Variants in ZNF782 observed in about 807,000 individuals in gnomAD.
ZNF782 encodes the protein zinc finger protein 782.
Under a neutral mutation model 13.0 loss-of-function variants are expected in ZNF782, and 12 were observed. That is an observed-to-expected ratio of 0.92 (90% CI 0.59 to 1.50). The LOEUF is 1.50. ZNF782 is among the 40% of genes most tolerant of loss of function. The pLI, the probability that ZNF782 is intolerant of heterozygous loss-of-function variation, is 0.00. For synonymous variants in ZNF782, 284 were observed against 283.0 expected (o/e 1.00, Z -0.04); for missense variants, 770 against 822.9 (o/e 0.94, Z 0.79).
At chr9:96,927,262 T>C in the ZNF782 span, among the ~76,000 whole-genome samples, 1 of 152,200 alleles carries the variant, frequency 6.6e-6, no homozygotes, top group Non-Finnish European at 1.5e-5. Flanking sequence ...ACATTGGTGG[T>C]TAGCATCCTT....
At chr9:96,925,520 C>T in the ZNF782 span, among the ~76,000 whole-genome samples, 2 of 151,552 alleles carry the variant, frequency 1.3e-5, no homozygotes, top group Non-Finnish European at 2.9e-5. Context: ...CACTTGTAGT[C>T]CCAGTTACTT....
chr9:96,846,771 T>C (rs1212487262), intron 3 of ZNF782, among the ~76,000 whole-genome samples: 2 of 152,094 alleles, frequency 1.3e-5, no homozygotes, highest in African/African-American at 4.8e-5. Flanking sequence ...CCACTGACAG[T>C]ACTAGACAGA....
intron 2 of ZNF782, among the ~76,000 whole-genome samples, chr9:96,860,822 G>A (rs530709857): frequency 9.2e-5 from 14 of 152,212 alleles, no homozygotes; most frequent in Non-Finnish European, 1.9e-4. Flanking sequence ...CAAAGGTGCC[G>A]AGAACATACA....
At chr9:96,885,773 C>T in the ZNF782 span, among the ~76,000 whole-genome samples, 1 of 152,104 alleles carries the variant, frequency 6.6e-6, no homozygotes, top group Admixed American at 6.5e-5. Context: ...CTTGCAGAGC[C>T]TCAATTTAAA....
At chr9:96,929,204 T>G in the ZNF782 span, among the ~76,000 whole-genome samples, 14 of 152,070 alleles carry the variant, frequency 9.2e-5, no homozygotes, top group Admixed American at 6.5e-5. Flanking sequence ...ACCCTGAGTC[T>G]GTGGTTAGGG....
chr9:96,854,667 G>A (rs895712166), upstream of ZNF782, among the ~76,000 whole-genome samples: 2 of 152,234 alleles, frequency 1.3e-5, no homozygotes, highest in African/African-American at 4.8e-5. Flanking sequence ...CGGGGATGGA[G>A]TTTTTATGAA....
In ZNF782 at chr9:96,818,427, C is replaced by A. The variant is rs1451507038; in HGVS notation, c.1596G>T (p.Lys532Asn). 3 of 1,613,250 alleles carry A rather than the reference C, an allele frequency of 1.9e-6. No individual in the cohort carries two copies. The highest frequency in any genetic ancestry group is 2.2e-5 in the South Asian group (2 of 91,030). Residue 532 changes from lysine to asparagine, a missense_variant, in exon 6 of 6, where the codon AAG becomes AAT. Transcript: ENST00000481138. Reference protein sequence around the residue: ...RKHHRTHTGEKPYKCNQCGKA... With the variant: ...RKHHRTHTGENPYKCNQCGKA... The stretch of plus-strand genomic sequence containing the variant: ...TTCCACACTGATTACATTTGTAGGG[C>A]TTCTCCCCTGTGTGTGTTCTATGAT...
At chr9:96,905,323 A>C in the ZNF782 span, among the ~76,000 whole-genome samples, 10 of 149,690 alleles carry the variant, frequency 6.7e-5, no homozygotes, top group Admixed American at 6.6e-5. Context: ...ATTATAACGC[A>C]TTAGCATGCT....
At chr9:96,829,087 CAAA>C (rs145314809) in intron 4 of ZNF782, among the ~76,000 whole-genome samples, 6 of 60,244 alleles carry the variant, frequency 1.0e-4, no homozygotes, top group Admixed American at 3.8e-4. Context: ...TGTTTCAGAC[CAAA>C]AAAAAAAAAA....
At chr9:96,852,112 A>T (rs1408102706) in intron 2 of ZNF782, 107 bp from the exon 3 acceptor site, 1 of 691,668 alleles carries the variant, frequency 1.4e-6, no homozygotes, top group Non-Finnish European at 2.5e-6. Context: ...TTCCTAAGGT[A>T]ACAGGGCCCT....
chr9:96,832,553 C>T (rs1185573981), intron 4 of ZNF782, among the ~76,000 whole-genome samples: 1 of 152,170 alleles, frequency 6.6e-6, no homozygotes, highest in African/African-American at 2.4e-5. Context: ...AGTTTCCCTT[C>T]ATCTGAGAAT....
chr9:96,834,827 T>C (rs1850934089), intron 4 of ZNF782, among the ~76,000 whole-genome samples: 1 of 152,166 alleles, frequency 6.6e-6, no homozygotes, highest in African/African-American at 2.4e-5. Context: ...GCTTTGGAAC[T>C]GGGTAATGGG....
chr9:96,904,023 T>G, the ZNF782 span, among the ~76,000 whole-genome samples: 1 of 151,458 alleles, frequency 6.6e-6, no homozygotes. Flanking sequence ...TTACTCCACA[T>G]TCTCCACATC....
chr9:96,833,972 CTATGGTTTGGG>C (rs1450317567), intron 4 of ZNF782, among the ~76,000 whole-genome samples: 5 of 152,134 alleles, frequency 3.3e-5, no homozygotes, highest in Non-Finnish European at 7.4e-5. Flanking sequence ...GTATCCCCTG[CTATGGTTTGGG>C]TATGGTTTGT....
chr9:96,861,909 GTA>G (rs1851706226), intron 1 of ZNF782, among the ~76,000 whole-genome samples: 1 of 152,142 alleles, frequency 6.6e-6, no homozygotes, highest in South Asian at 2.1e-4. Context: ...CCACTGCTGG[GTA>G]TATACCTAAG....
At chr9:96,903,291 T>A in the ZNF782 span, among the ~76,000 whole-genome samples, 1 of 151,938 alleles carries the variant, frequency 6.6e-6, no homozygotes, top group Admixed American at 6.6e-5. Flanking sequence ...TTGTCATAAA[T>A]GAAATAATAC....
upstream of ZNF782, among the ~76,000 whole-genome samples, chr9:96,857,898 C>G (rs986037949): frequency 3.9e-5 from 6 of 152,184 alleles, no homozygotes; most frequent in African/African-American, 1.4e-4. Context: ...GTAAATTGCT[C>G]TTGTAATAAT....
intron 3 of ZNF782, among the ~76,000 whole-genome samples, chr9:96,859,518 T>A (rs1851680743): frequency 6.6e-6 from 1 of 152,166 alleles, no homozygotes; most frequent in South Asian, 2.1e-4. Flanking sequence ...AACTCTGGGC[T>A]ACAAGGGAAC....
At chr9:96,911,438 C>CA in the ZNF782 span, among the ~76,000 whole-genome samples, 2,436 of 27,828 alleles carry the variant, frequency 0.088, 177 homozygotes, top group Non-Finnish European at 0.12. Flanking sequence ...GACTCTGTCT[C>CA]AAAAAAAAAA....
Sources: gnomAD v4.1 joint callset for allele counts (sites outside exome capture counted in the v4.1 genomes callset) on GRCh38, gnomAD v4.1.1 for gene constraint, MANE v1.5 for transcripts, NCBI Gene and HGNC (gene_info 2026-07-23, HGNC 2026-07-21) for gene names.